DNAH12: variants seen among roughly 807,000 people sequenced by gnomAD.
The protein encoded by DNAH12 is axonemal beta dynein heavy chain 12.
In DNAH12, 285 loss-of-function variants were observed where a neutral mutation model predicts 371.5. The ratio of observed to expected loss-of-function variants is 0.77; its 90% CI spans 0.70 to 0.85. The LOEUF (loss-of-function observed/expected upper bound fraction) is 0.85. Ranked by LOEUF, DNAH12 falls within the 40% of genes least tolerant of loss-of-function variation. The pLI is 0.00. For missense variants in DNAH12, 3,611 were observed against 3,689.4 expected (o/e 0.98, Z 0.55); for synonymous variants, 1,200 against 1,213.0 (o/e 0.99, Z 0.22).
At chr3:57,421,782 AATATATTAGG>A in intron 35 of DNAH12, 76 bp from the exon 36 acceptor site, 1 of 1,487,286 alleles carries the variant, frequency 6.7e-7, no homozygotes, top group Non-Finnish European at 9.2e-7. Context: ...ACCAAAATTC[AATATATTAGG>A]ATATGCTCAA....
intron 32 of DNAH12, 133 bp downstream of exon 32, chr3:57,433,234 T>A: frequency 8.7e-7 from 1 of 1,143,864 alleles, no homozygotes; most frequent in Non-Finnish European, 1.2e-6. Context: ...AAAAGAGAAT[T>A]TATAAACCTA....
intron 12 of DNAH12, among the ~76,000 whole-genome samples, chr3:57,486,715 C>CA (rs1221402135): frequency 3.3e-5 from 5 of 149,702 alleles, no homozygotes; most frequent in South Asian, 2.1e-4. Context: ...TGTTAGGTAG[C>CA]AAAAAAAATG....
intron 19 of DNAH12, among the ~76,000 whole-genome samples, chr3:57,460,849 T>C (rs1472664975): frequency 2.6e-5 from 4 of 152,182 alleles, no homozygotes; most frequent in Admixed American, 6.5e-5. Context: ...TGAATACAGA[T>C]AATAACAGTG....
chr3:57,458,925 C>T (rs1000775122), intron 20 of DNAH12, among the ~76,000 whole-genome samples: 2 of 152,156 alleles, frequency 1.3e-5, no homozygotes, highest in African/African-American at 4.8e-5. Context: ...CTGAAGTCAA[C>T]AGGTAAAGCA....
intron 37 of DNAH12, among the ~76,000 whole-genome samples, chr3:57,418,980 G>C (rs1429253715): frequency 6.6e-6 from 1 of 152,148 alleles, no homozygotes; most frequent in Non-Finnish European, 1.5e-5. Flanking sequence ...AACTGGCATA[G>C]GACATAGGTG....
chr3:57,470,654 T>C lies in DNAH12; in HGVS notation c.1912-18A>G. On this transcript the variant is annotated intron_variant, in intron 15 of 73. Transcript: ENST00000495027. ...GTCACATACTGAAAGTAAATAAGTT[T>C]TTTGTCTTAAAAAAAATTCAAGTAA... 1 of 1,510,312 alleles carries C rather than the reference T, an allele frequency of 6.6e-7. No homozygotes were observed. Among genetic ancestry groups the C allele is most frequent in the Non-Finnish European group, 8.8e-7 (1 of 1,133,682 alleles). The allele number at this position is 1,510,312 out of a possible 1,614,324, so 93.6% of individuals were successfully genotyped here.
chr3:57,437,221 T>TA (rs1559657753), intron 29 of DNAH12, among the ~76,000 whole-genome samples, 161 bp from the exon 30 acceptor site: 2 of 152,178 alleles, frequency 1.3e-5, no homozygotes, highest in African/African-American at 4.8e-5. Flanking sequence ...AGGAGAAACA[T>TA]AGACTCAAAA....
Position 57,380,263 on chromosome 3 carries a change from C to T in DNAH12, c.8082+15G>A, listed in dbSNP as rs1052508549. ...GCCAAGTCACATTTGTAGAAAAAAA[C>T]CCAATGCAACTCACTGGAATGTTGT... On this transcript the variant is annotated intron_variant, in intron 51 of 73. Coordinates refer to ENST00000495027, the MANE Select transcript of DNAH12 (RefSeq NM_001366028.2). The T allele has an allele frequency of 6.6e-6, 1 of 152,042 alleles. No homozygotes were observed. The highest frequency in any genetic ancestry group is 1.5e-5 in the Non-Finnish European group (1 of 68,006). 9.4% of individuals were successfully genotyped at this position (152,042 alleles called of 1,614,324 possible).
chr3:57,436,111 C>T (rs1247356210), intron 30 of DNAH12, among the ~76,000 whole-genome samples: 1 of 151,902 alleles, frequency 6.6e-6, no homozygotes, highest in South Asian at 2.1e-4. Context: ...GAAAGCCCCT[C>T]TCAGGTAGCA....
chr3:57,541,042 T>A (rs6445909), intron 2 of DNAH12, among the ~76,000 whole-genome samples: 9 of 151,150 alleles, frequency 6.0e-5, no homozygotes, highest in Non-Finnish European at 1.0e-4. Flanking sequence ...TCTCTCCCCC[T>A]CCCTTTTATT....
At chr3:57,340,942 C>T (rs1173817021) in intron 60 of DNAH12, among the ~76,000 whole-genome samples, 2 of 152,134 alleles carry the variant, frequency 1.3e-5, no homozygotes, top group East Asian at 1.9e-4. Flanking sequence ...ATATCATACA[C>T]TATTATCAAG....
intron 29 of DNAH12, 114 bp downstream of exon 29, chr3:57,444,583 T>G: frequency 7.0e-7 from 1 of 1,437,302 alleles, no homozygotes; most frequent in Non-Finnish European, 9.4e-7. Flanking sequence ...GTGGACAAAA[T>G]AGGGGATTTT....
chr3:57,401,583 G>A (rs6790713), intron 43 of DNAH12, among the ~76,000 whole-genome samples: 28,413 of 112,974 alleles, frequency 0.25, 4,655 homozygotes, highest in African/African-American at 0.38. Flanking sequence ...AAAAAAAAAA[G>A]AAGAAGAAGA....
chr3:57,482,857 G>C (rs546344103), intron 13 of DNAH12, among the ~76,000 whole-genome samples: 1 of 147,566 alleles, frequency 6.8e-6, no homozygotes, highest in Admixed American at 7.0e-5. Flanking sequence ...TCACTCATAG[G>C]TGGGAATTGA....
chr3:57,421,558 G>A lies in DNAH12; in HGVS notation c.5522C>T (p.Pro1841Leu), dbSNP rs571873840. ...VPDSVGKWEC[P>L]FDEKGLVYDY... The stretch of plus-strand genomic sequence containing the variant: ...ATAGACCAGGCCTTTTTCATCAAAT[G>A]GGCATTCCCATTTACCCACAGAATC... Residue 1841 changes from proline to leucine, a missense_variant, in exon 36 of 74, where the codon CCA (proline) becomes CTA (leucine). Transcript: ENST00000495027. 2 of 1,551,472 alleles carry A rather than the reference G, an allele frequency of 1.3e-6. No homozygotes were observed. Among genetic ancestry groups the A allele is most frequent in the East Asian group, 2.4e-5 (1 of 40,894 alleles).
intron 65 of DNAH12, among the ~76,000 whole-genome samples, chr3:57,318,610 C>T (rs1017986808): frequency 1.3e-5 from 2 of 151,892 alleles, no homozygotes; most frequent in Admixed American, 6.6e-5. Flanking sequence ...TGAGTACCAA[C>T]ATGATGCTCA....
intron 59 of DNAH12, among the ~76,000 whole-genome samples, chr3:57,354,016 A>C (rs2062741160): frequency 6.6e-6 from 1 of 152,206 alleles, no homozygotes; most frequent in Admixed American, 6.5e-5. Flanking sequence ...GCAGTCCATT[A>C]TTGGGTACAT....
intron 70 of DNAH12, 36 bp downstream of exon 70, chr3:57,301,677 TACACACACACACACACACACAC>T (rs57748737): frequency 1.0e-4 from 117 of 1,152,364 alleles, no homozygotes; most frequent in Admixed American, 8.3e-4. Flanking sequence ...ACATGTATTT[TACACACACACACACACACACAC>T]ACACACACAC....
chr3:57,449,255 A>G (rs1319975427), intron 25 of DNAH12, among the ~76,000 whole-genome samples: 2 of 152,178 alleles, frequency 1.3e-5, no homozygotes, highest in African/African-American at 4.8e-5. Context: ...CCATGTCCCC[A>G]CCAGACTCAG....
Sources: gnomAD v4.1 joint callset for allele counts (sites outside exome capture counted in the v4.1 genomes callset) on GRCh38, gnomAD v4.1.1 for gene constraint, MANE v1.5 for transcripts, NCBI Gene and HGNC (gene_info 2026-07-23, HGNC 2026-07-21) for gene names.